LYAR: variants seen among roughly 807,000 people sequenced by gnomAD.
The protein encoded by LYAR is Ly1 antibody reactive, also known as cell growth-regulating nucleolar protein.
Under a neutral mutation model 45.2 loss-of-function variants are expected in LYAR, and 37 were observed. The ratio of observed to expected loss-of-function variants is 0.82; its 90% CI spans 0.63 to 1.08. The LOEUF (loss-of-function observed/expected upper bound fraction) is 1.08, where lower values mean the gene tolerates loss of function less well. LYAR is among the 50% of genes least tolerant of loss of function. LYAR has a pLI of 0.00. For synonymous variants in LYAR, 176 were observed against 155.1 expected, an observed-to-expected ratio of 1.14 and a Z score of -1.00; for missense variants, 493 against 451.0, an observed-to-expected ratio of 1.09 and a Z score of -0.84.
At position 4,281,432 on chromosome 4, in the gene LYAR, G is replaced by A. The variant is rs184224747; in HGVS notation, c.237+351C>T. 6.5e-3 allele frequency among the ~76,000 whole-genome samples: 985 copies of A among 151,478 alleles called. 5 individuals are homozygous for A. Among genetic ancestry groups the A allele is most frequent in the African/African-American group, 0.023 (931 of 41,130 alleles). ...CCTCCTGGCTTCAAGCGATTCTCCT[G>A]CCTCAGCCTCCTGAGTAGCTGGGAT... On this transcript the variant is annotated intron_variant, in intron 4 of 9. Coordinates refer to ENST00000343470, the MANE Select transcript of LYAR (RefSeq NM_017816.3).
intron 7 of LYAR, 47 bp from the exon 8 acceptor site, chr4:4,273,716 C>T (rs1448764896): frequency 9.0e-7 from 1 of 1,115,394 alleles, no homozygotes; most frequent in Non-Finnish European, 1.4e-6. Context: ...TGCATTTACG[C>T]TAGCAGCTAC....
At chr4:4,286,313 C>T (rs1475692891) in intron 2 of LYAR, among the ~76,000 whole-genome samples, 1 of 152,168 alleles carries the variant, frequency 6.6e-6, no homozygotes. Context: ...CTTGCTTGGG[C>T]TTCAAAGAAA....
intron 6 of LYAR, among the ~76,000 whole-genome samples, chr4:4,278,145 T>C (rs1719261016): frequency 6.6e-6 from 1 of 152,206 alleles, no homozygotes; most frequent in South Asian, 2.1e-4. Flanking sequence ...TAAAGGCCAA[T>C]CTAATGATCG....
intron 7 of LYAR, 55 bp from the exon 8 acceptor site, chr4:4,273,724 T>C: frequency 9.8e-7 from 1 of 1,017,498 alleles, no homozygotes; most frequent in Non-Finnish European, 1.5e-6. Flanking sequence ...CGCTAGCAGC[T>C]ACCATTTAAT....
intron 6 of LYAR, among the ~76,000 whole-genome samples, chr4:4,275,430 CTCA>C (rs1353030594): frequency 8.1e-6 from 1 of 122,812 alleles, no homozygotes; most frequent in Non-Finnish European, 1.7e-5. Flanking sequence ...GGTCACCATT[CTCA>C]TCATTCTTTT....
At chr4:4,285,275 G>C (rs1719560177) in intron 2 of LYAR, among the ~76,000 whole-genome samples, 1 of 152,184 alleles carries the variant, frequency 6.6e-6, no homozygotes, top group Non-Finnish European at 1.5e-5. Context: ...AAATCCTCAG[G>C]AAGGAAAACA....
intron 2 of LYAR, among the ~76,000 whole-genome samples, chr4:4,284,904 A>G (rs1483378547): frequency 1.3e-5 from 2 of 152,222 alleles, no homozygotes; most frequent in Non-Finnish European, 2.9e-5. Context: ...AGCTTTCAGT[A>G]CAAATGATCT....
At chr4:4,283,836 C>T in intron 2 of LYAR, 41 bp from the exon 3 acceptor site, 2 of 944,064 alleles carry the variant, frequency 2.1e-6, no homozygotes, top group South Asian at 4.4e-5. Flanking sequence ...ACTGAAACTT[C>T]TCATTTCAAT....
chr4:4,283,802 A>C lies in LYAR; in HGVS notation c.-53-7T>G. 6 of 1,327,272 alleles carry C rather than the reference A, an allele frequency of 4.5e-6. No individual in the cohort carries two copies. The South Asian group carries it at 7.5e-5, about 17-fold the overall frequency. The allele number at this position is 1,327,272 out of a possible 1,614,324, so 82.2% of individuals were successfully genotyped here. A position where few individuals can be genotyped will look rare whatever the true frequency, so the allele number is the denominator to read the frequency against. On this transcript the variant is annotated splice_polypyrimidine_tract_variant and splice_region_variant and intron_variant, in intron 2 of 9. Transcript: ENST00000343470. ...ACAGGTTTTAAGTCTTGTCCTAAGG[A>C]AAAAAAGACAATTATAATTATAAAC...
At chr4:4,288,183 A>T (rs1255962648) in intron 1 of LYAR, among the ~76,000 whole-genome samples, 1 of 152,220 alleles carries the variant, frequency 6.6e-6, no homozygotes, top group Non-Finnish European at 1.5e-5. Context: ...GTTAAATAAG[A>T]CACCAGATAT....
chr4:4,268,859 T>TA (rs1372789040), intron 8 of LYAR: 1 of 394,212 alleles, frequency 2.5e-6, no homozygotes, highest in East Asian at 4.4e-5. Context: ...AACTCCTAGA[T>TA]AGAGTTGTAT....
intron 8 of LYAR, among the ~76,000 whole-genome samples, chr4:4,270,144 A>G (rs1183367921): frequency 1.3e-5 from 2 of 152,014 alleles, no homozygotes; most frequent in Non-Finnish European, 1.5e-5. Flanking sequence ...TTGAGGCTGC[A>G]GTGAGTCATG....
rs368364622 is a variant in LYAR, at chr4:4,284,633, T to C, written c.-53-838A>G. Among the ~76,000 whole-genome samples the C allele has an allele frequency of 5.0e-4, 76 of 152,288 alleles. 1 individual carries two copies. The highest frequency in any genetic ancestry group is 1.4e-3 in the African/African-American group (60 of 41,562). On this transcript the variant is annotated intron_variant, in intron 2 of 9. Transcript: ENST00000343470. ...TGTCTGCACACGCACATAAACATCA[T>C]TGTAAAATTTCACAGAAATGCTACC...
Position 4,279,473 on chromosome 4 carries a change from T to A in LYAR, c.403A>T (p.Asn135Tyr), listed in dbSNP as rs762214461. ...HNESILDQVW[N>Y]IFSEASNSEP... Reference sequence around the variant, plus strand: ...CTGTTGGAAGCTTCAGAAAAGATATTCCACACCTGGTCCAGAATGGATTCA... The same window carrying A: ...CTGTTGGAAGCTTCAGAAAAGATATACCACACCTGGTCCAGAATGGATTCA... Residue 135 changes from asparagine (N) to tyrosine (Y), a missense_variant, in exon 6 of 10, where the codon AAT becomes TAT. By Grantham distance (143) the Asn-to-Tyr change is moderately radical. Coordinates refer to ENST00000343470, the MANE Select transcript of LYAR (RefSeq NM_017816.3). 1 of 1,612,898 alleles carries A rather than the reference T, an allele frequency of 6.2e-7. No individual in the cohort carries two copies. The highest frequency in any genetic ancestry group is 8.5e-7 in the Non-Finnish European group (1 of 1,178,962).
Position 4,268,526 on chromosome 4 carries a change from A to G in LYAR, c.1005+4T>C, listed in dbSNP as rs777708892. 1 of 1,604,064 alleles carries G rather than the reference A, an allele frequency of 6.2e-7. No individual in the cohort carries two copies. ...AGACACGTGGGTTTGTTCATATGCC[A>G]TACCTTTTTCCTTAGCTTTTTGATG... On this transcript the variant is annotated splice_donor_region_variant and intron_variant, in intron 9 of 9. Transcript: ENST00000343470.
intron 4 of LYAR, 65 bp from the exon 5 acceptor site, chr4:4,279,814 A>G: frequency 9.0e-7 from 1 of 1,110,374 alleles, no homozygotes; most frequent in Non-Finnish European, 1.3e-6. Context: ...CATGAAAGCC[A>G]ATTGAAAAAG....
chr4:4,275,390 T>C (rs1719137866), intron 6 of LYAR, among the ~76,000 whole-genome samples: 2 of 152,088 alleles, frequency 1.3e-5, no homozygotes, highest in East Asian at 3.9e-4. Flanking sequence ...ATCATCATTA[T>C]TCAGACTGGA....
intron 2 of LYAR, 33 bp from the exon 3 acceptor site, chr4:4,283,828 T>C (rs1050518005): frequency 2.0e-6 from 2 of 1,003,820 alleles, no homozygotes; most frequent in African/African-American, 1.6e-5. Context: ...AATTATAAAC[T>C]GAAACTTCTC....
chr4:4,270,435 GA>G (rs1262861590), intron 8 of LYAR, among the ~76,000 whole-genome samples: 1 of 147,988 alleles, frequency 6.8e-6, no homozygotes, highest in Admixed American at 6.8e-5. Flanking sequence ...CTGTTATGAT[GA>G]AAAAACAAGC....
Sources: gnomAD v4.1 joint callset for allele counts (sites outside exome capture counted in the v4.1 genomes callset) on GRCh38, gnomAD v4.1.1 for gene constraint, MANE v1.5 for transcripts, NCBI Gene and HGNC (gene_info 2026-07-23, HGNC 2026-07-21) for gene names.